The following ZHX3 variants were observed in gnomAD, a reference collection of about 807,000 sequenced individuals.
ZHX3 encodes zinc fingers and homeoboxes protein 3.
A neutral mutation model predicts 64.5 loss-of-function variants in ZHX3; 20 were observed. That is an observed-to-expected ratio of 0.31 (90% CI 0.22 to 0.45). The LOEUF (loss-of-function observed/expected upper bound fraction) is 0.45. Ranked by LOEUF, ZHX3 falls within the 20% of genes least tolerant of loss-of-function variation. The pLI, the probability that ZHX3 is intolerant of heterozygous loss-of-function variation, is 1.00. For synonymous variants in ZHX3, 423 were observed against 461.6 expected, an observed-to-expected ratio of 0.92 and a Z score of 1.07; for missense variants, 1,041 against 1,195.8, an observed-to-expected ratio of 0.87 and a Z score of 1.91.
At chr20:41,276,499 G>A (rs2043388907) in intron 1 of ZHX3, among the ~76,000 whole-genome samples, 1 of 152,122 alleles carries the variant, frequency 6.6e-6, no homozygotes, top group African/African-American at 2.4e-5. Flanking sequence ...GATCCAATGT[G>A]GTAGTAGCTC....
chr20:41,199,569 A>G (rs1262153700), intron 3 of ZHX3, among the ~76,000 whole-genome samples: 1 of 152,208 alleles, frequency 6.6e-6, no homozygotes, highest in Admixed American at 6.5e-5. Flanking sequence ...TAAAGAAAAA[A>G]AAAAATAGGT....
At chr20:41,249,155 T>C (rs1006311593) in intron 2 of ZHX3, among the ~76,000 whole-genome samples, 5 of 152,034 alleles carry the variant, frequency 3.3e-5, no homozygotes, top group African/African-American at 1.2e-4. Context: ...CATTCACAAA[T>C]GGAAAATGTT....
At chr20:41,286,331 T>C (rs1026828074) in intron 1 of ZHX3, among the ~76,000 whole-genome samples, 1 of 152,204 alleles carries the variant, frequency 6.6e-6, no homozygotes, top group African/African-American at 2.4e-5. Context: ...CTCACACTCT[T>C]GAATTATAGT....
At chr20:41,223,170 A>C (rs1050798726) in intron 2 of ZHX3, among the ~76,000 whole-genome samples, 2 of 152,210 alleles carry the variant, frequency 1.3e-5, no homozygotes, top group Non-Finnish European at 2.9e-5. Context: ...TAATATCCTG[A>C]GTTGGCAAGG....
intron 1 of ZHX3, chr20:41,300,046 A>C (rs1417755001): frequency 6.6e-6 from 1 of 152,202 alleles, no homozygotes; most frequent in Non-Finnish European, 1.5e-5. Context: ...GAAGGATATA[A>C]AGGCAGAAGC....
chr20:41,216,052 GAA>G (rs1189552924), intron 2 of ZHX3, among the ~76,000 whole-genome samples: 1 of 151,796 alleles, frequency 6.6e-6, no homozygotes, highest in Non-Finnish European at 1.5e-5. Flanking sequence ...AGTGGACAAA[GAA>G]AAAAGATGTA....
intron 2 of ZHX3, among the ~76,000 whole-genome samples, chr20:41,207,399 C>A (rs796920845): frequency 2.0e-4 from 31 of 152,300 alleles, no homozygotes; most frequent in African/African-American, 6.0e-4. Flanking sequence ...ACATTTGTCT[C>A]AGCACCACAG....
In ZHX3 at chr20:41,181,755, T is replaced by G. The variant is rs2036259058; in HGVS notation, c.*3436A>C. On this transcript the variant is annotated 3_prime_UTR_variant, in exon 4 of 4. Transcript: ENST00000683867. ...GCTACGGAATAGAGAGATTTCCTGG[T>G]GGGACGGCCTCCCAAGGCTAGCTGG... 6.6e-6 allele frequency: 1 copy of G among 152,238 alleles called. No individual in the cohort carries two copies. Among genetic ancestry groups the G allele is most frequent in the Non-Finnish European group, 1.5e-5 (1 of 68,058 alleles). The allele number at this position is 152,238 out of a possible 1,614,324, so 9.4% of individuals were successfully genotyped here.
At chr20:41,277,336 T>C (rs2043432879) in intron 1 of ZHX3, among the ~76,000 whole-genome samples, 1 of 152,236 alleles carries the variant, frequency 6.6e-6, no homozygotes, top group Admixed American at 6.5e-5. Context: ...TATACTTTTT[T>C]AAAATGACAC....
chr20:41,237,786 A>G (rs570547379), intron 2 of ZHX3, among the ~76,000 whole-genome samples: 6 of 152,340 alleles, frequency 3.9e-5, no homozygotes, highest in African/African-American at 1.4e-4. Context: ...AATAAAGAAA[A>G]TATGTTTTAT....
chr20:41,202,161 G>A lies in ZHX3; in HGVS notation c.2756C>T (p.Thr919Ile). ...LTAVHKGMGD[T>I]YSEVSENSES... The stretch of plus-strand genomic sequence containing the variant: ...ACTGTTCTCAGACACCTCTGAATAG[G>A]TGTCACCCATCCCTTTGTGAACTGC... The change falls in exon 3 of 4, where the codon ACC becomes ATC. Residue 919 changes from threonine to isoleucine, a missense_variant. Coordinates refer to ENST00000683867, the MANE Select transcript of ZHX3 (RefSeq NM_001384317.1). This position sits in a 1 kb window ranked among gnomAD's most constrained non-coding sequence, Gnocchi z 7.0. The A allele has an allele frequency of 6.2e-7, 1 of 1,614,134 alleles. No individual in the cohort carries two copies.
rs937150514 is a variant in ZHX3 at position 41,203,491 on chromosome 20, C to A, written c.1426G>T (p.Ala476Ser). ...GGGCAGGCCGTGAGGAGCGACTGGGCCGCATTGACCACCTTCACAGCTGAC... is the reference window on the plus strand; with the variant it reads ...GGGCAGGCCGTGAGGAGCGACTGGGACGCATTGACCACCTTCACAGCTGAC... ...TTSAVKVVNA[A>S]QSLLTACPSI... Residue 476 changes from alanine to serine, a missense_variant, in exon 3 of 4, where the codon GCC becomes TCC. Around this residue, in one of 4 missense-constraint regions of ZHX3, gnomAD observed 649 missense variants for 739.8 expected, o/e 0.88. Coordinates refer to ENST00000683867, the MANE Select transcript of ZHX3 (RefSeq NM_001384317.1). The surrounding 1 kb of genome is among the most constrained non-coding windows in gnomAD (Gnocchi z 7.1). 19 of 1,614,088 alleles carry A rather than the reference C, an allele frequency of 1.2e-5. No individual in the cohort carries two copies. The highest frequency in any genetic ancestry group is 1.5e-5 in the Non-Finnish European group (18 of 1,180,024).
At chr20:41,256,781 T>C (rs1186857676) in intron 2 of ZHX3, among the ~76,000 whole-genome samples, 3 of 151,728 alleles carry the variant, frequency 2.0e-5, no homozygotes, top group Admixed American at 1.3e-4. Flanking sequence ...TGCTGTCCCT[T>C]TGCACCATTC....
Position 41,258,210 on chromosome 20 carries a change from T to C in ZHX3, c.-151+10780A>G, listed in dbSNP as rs558616240. Among the ~76,000 whole-genome samples, 21 of 152,304 alleles carry C rather than the reference T, an allele frequency of 1.4e-4. No individual in the cohort carries two copies. In the East Asian group the frequency reaches 4.0e-3, roughly 29 times the overall value. The stretch of plus-strand genomic sequence containing the variant: ...CCACTGCACCTAGCCAAGATTTCTT[T>C]TAAAAAATCATTTTGAGCTAATTTT... On this transcript the variant is annotated intron_variant, in intron 2 of 3. Transcript: ENST00000683867.
Position 41,201,841 on chromosome 20 carries a change from A to G in ZHX3, c.2860+216T>C, listed in dbSNP as rs2038243365. 6.6e-6 allele frequency among the ~76,000 whole-genome samples: 1 copy of G among 152,156 alleles called. No homozygotes were observed. Among genetic ancestry groups the G allele is most frequent in the South Asian group, 2.1e-4 (1 of 4,818 alleles). ...TCCTTCCCCTGCGCAGGTTTTTAAA[A>G]ACACATGAAACAAAAAACAGCTCTC... is the stretch of plus-strand genomic sequence containing the variant. On this transcript the variant is annotated intron_variant, in intron 3 of 3. Coordinates refer to ENST00000683867, the MANE Select transcript of ZHX3 (RefSeq NM_001384317.1). This position sits in a 1 kb window ranked among gnomAD's most constrained non-coding sequence, Gnocchi z 5.0.
intron 2 of ZHX3, chr20:41,267,493 T>C (rs1185606505): frequency 2.0e-5 from 3 of 152,208 alleles, no homozygotes; most frequent in Non-Finnish European, 4.4e-5. Flanking sequence ...CTGGTTTAGA[T>C]CCTGGGGATA....
intron 1 of ZHX3, among the ~76,000 whole-genome samples, chr20:41,270,103 A>C (rs1190656667): frequency 1.3e-5 from 2 of 152,186 alleles, no homozygotes; most frequent in African/African-American, 4.8e-5. Flanking sequence ...GAAAAGCATT[A>C]TGTTAAGGCC....
chr20:41,202,428 T>C lies in ZHX3; in HGVS notation c.2489A>G (p.Tyr830Cys), dbSNP rs756862105. The C allele has an allele frequency of 1.7e-5, 28 of 1,614,078 alleles. No individual in the cohort carries two copies. Among genetic ancestry groups the C allele is most frequent in the East Asian group, 2.2e-5 (1 of 44,896 alleles). Reference sequence around the variant, plus strand: ...CCCTGGTGGGAAGTTGCCTCGCTTATAGTCTTCGTACCATTTGAGTTGGCC... The same window carrying C: ...CCCTGGTGGGAAGTTGCCTCGCTTACAGTCTTCGTACCATTTGAGTTGGCC... ...KNGQLKWYED[Y>C]KRGNFPPGLL... Residue 830 changes from tyrosine (Y) to cysteine (C), a missense_variant, in exon 3 of 4, where the codon TAT becomes TGT. By Grantham distance (194) the Tyr-to-Cys change is radical. Coordinates refer to ENST00000683867, the MANE Select transcript of ZHX3 (RefSeq NM_001384317.1). The surrounding 1 kb of genome is among the most constrained non-coding windows in gnomAD (Gnocchi z 7.0).
intron 2 of ZHX3, among the ~76,000 whole-genome samples, chr20:41,262,361 A>G (rs985327516): frequency 2.6e-5 from 4 of 152,226 alleles, no homozygotes; most frequent in Non-Finnish European, 5.9e-5. Context: ...TCTGGCCCCA[A>G]CATCCCTTGT....
Sources: allele counts gnomAD v4.1 joint callset (sites outside exome capture counted in the v4.1 genomes callset), GRCh38; gene constraint gnomAD v4.1.1; regional missense constraint gnomAD v4.1.1; non-coding constraint Gnocchi (gnomAD v3.1); transcripts MANE v1.5; gene names NCBI Gene and HGNC (gene_info 2026-07-23, HGNC 2026-07-21).